Variants in PTPRN2 observed in about 807,000 individuals in gnomAD.
The protein encoded by PTPRN2 is receptor-type tyrosine-protein phosphatase N2.
A neutral mutation model predicts 118.8 loss-of-function variants in PTPRN2; 74 were observed. That is an observed-to-expected ratio of 0.62 (90% CI 0.52 to 0.76). The LOEUF (loss-of-function observed/expected upper bound fraction) is 0.76. PTPRN2 is among the 30% of genes least tolerant of loss of function. The pLI is 0.00. For missense variants in PTPRN2, 1,481 were observed against 1,394.4 expected (o/e 1.06, Z -0.99); for synonymous variants, 641 against 608.0 (o/e 1.05, Z -0.80).
At position 157,611,296 on chromosome 7, in the gene PTPRN2, A is replaced by G. The variant is rs1158918572; in HGVS notation, c.2345-7221T>C. On this transcript the variant is annotated intron_variant, in intron 15 of 22. Transcript: ENST00000389418. The surrounding 1 kb of genome is among the most constrained non-coding windows in gnomAD (Gnocchi z 5.9). ...GCAGGTGACCTGGGGCAGGTGGACT[A>G]GAAGGAGCCTCAAGCCCTGGGGGAT... Among the ~76,000 whole-genome samples, 1 of 152,140 alleles carries G rather than the reference A, an allele frequency of 6.6e-6. No individual in the cohort carries two copies. Among genetic ancestry groups the G allele is most frequent in the African/African-American group, 2.4e-5 (1 of 41,454 alleles).
chr7:158,536,305 A>G (rs1825639923), intron 1 of PTPRN2, among the ~76,000 whole-genome samples: 2 of 152,230 alleles, frequency 1.3e-5, no homozygotes, highest in African/African-American at 2.4e-5. Flanking sequence ...GGTTTCATAA[A>G]CTTGATGATG....
At chr7:158,088,281 AG>A (rs1813677607) in intron 10 of PTPRN2, among the ~76,000 whole-genome samples, 1 of 27,066 alleles carries the variant, frequency 3.7e-5, no homozygotes, top group African/African-American at 7.0e-5. Flanking sequence ...CTGATGAAAG[AG>A]GGAGTCTTCA....
intron 12 of PTPRN2, among the ~76,000 whole-genome samples, chr7:157,838,027 G>T (rs542078012): frequency 9.2e-5 from 14 of 151,808 alleles, no homozygotes. Context: ...TGGATGGCAC[G>T]GGAGAAAGCT....
intron 3 of PTPRN2, among the ~76,000 whole-genome samples, chr7:158,225,099 T>C (rs910562773): frequency 2.0e-5 from 3 of 151,848 alleles, no homozygotes; most frequent in Non-Finnish European, 4.4e-5. Flanking sequence ...TCAGAAAAAC[T>C]GTATCACTGT....
chr7:157,848,061 C>A (rs1009726001), intron 12 of PTPRN2, among the ~76,000 whole-genome samples: 4 of 149,052 alleles, frequency 2.7e-5, no homozygotes, highest in Non-Finnish European at 1.5e-5. Context: ...GTTTACAGAG[C>A]CCTCTCTCAC....
rs1259156757 is a variant in PTPRN2, at chr7:158,022,771, T to C, written c.1723+58527A>G. Among the ~76,000 whole-genome samples, 1 of 152,276 alleles carries C rather than the reference T, an allele frequency of 6.6e-6. No individual in the cohort carries two copies. Among genetic ancestry groups the C allele is most frequent in the African/African-American group, 2.4e-5 (1 of 41,486 alleles). On this transcript the variant is annotated intron_variant, in intron 11 of 22. Coordinates refer to ENST00000389418, the MANE Select transcript of PTPRN2 (RefSeq NM_002847.5). This position sits in a 1 kb window ranked among gnomAD's most constrained non-coding sequence, Gnocchi z 4.6. ...CTTTCCCCCACGGAGGCTTCCGCCATGAGTCTGGAATGCGTTCTGAGCACC... is the reference window on the plus strand; with the variant it reads ...CTTTCCCCCACGGAGGCTTCCGCCACGAGTCTGGAATGCGTTCTGAGCACC...
chr7:158,063,978 C>T (rs1193662187), intron 11 of PTPRN2, among the ~76,000 whole-genome samples: 1 of 152,212 alleles, frequency 6.6e-6, no homozygotes, highest in Non-Finnish European at 1.5e-5. Flanking sequence ...ACACTACATA[C>T]AATCACTCAC....
chr7:157,919,019 C>G (rs1377004137), intron 11 of PTPRN2, among the ~76,000 whole-genome samples: 1 of 152,110 alleles, frequency 6.6e-6, no homozygotes, highest in African/African-American at 2.4e-5. Flanking sequence ...AAGCAACTTA[C>G]CTAAAGTCAC....
rs879413219 is a variant in PTPRN2, at chr7:158,415,022, C to CCTGATGATACAACCAGCTACTTCT, written c.163+74689_163+74712dup. On this transcript the variant is annotated intron_variant, in intron 2 of 22. Coordinates refer to ENST00000389418, the MANE Select transcript of PTPRN2 (RefSeq NM_002847.5). ...TCCTGATGATACAACCAGCTACTTTCCTGATGATACAACCAGCTACTTCTC... is the reference window on the plus strand; with the variant it reads ...TCCTGATGATACAACCAGCTACTTTCCTGATGATACAACCAGCTACTTCTCTGATGATACAACCAGCTACTTCTC... 9.0e-3 allele frequency among the ~76,000 whole-genome samples: 306 copies of CCTGATGATACAACCAGCTACTTCT among 34,024 alleles called. 134 individuals are homozygous for CCTGATGATACAACCAGCTACTTCT. Among genetic ancestry groups the CCTGATGATACAACCAGCTACTTCT allele is most frequent in the African/African-American group, 0.032 (279 of 8,742 alleles). 22.3% of individuals were successfully genotyped at this position (34,024 alleles called of 152,430 possible). A position where few individuals can be genotyped will look rare whatever the true frequency, so the allele number is the denominator to read the frequency against.
intron 12 of PTPRN2, among the ~76,000 whole-genome samples, chr7:157,897,169 C>T (rs116031283): frequency 0.013 from 2,022 of 152,294 alleles, 50 homozygotes; most frequent in African/African-American, 0.047. Flanking sequence ...TAGCACCAAC[C>T]ACCACCCCAC....
At chr7:157,864,767 G>A (rs892046289) in intron 12 of PTPRN2, 1 of 152,264 alleles carries the variant, frequency 6.6e-6, no homozygotes, top group African/African-American at 2.4e-5. Context: ...CAGTATCTCA[G>A]GACAAAGTGC....
In PTPRN2 at chr7:158,133,795, G is replaced by A. The variant is rs1359849746; in HGVS notation, c.1438C>T (p.Pro480Ser). 6.2e-7 allele frequency: 1 copy of A among 1,613,980 alleles called. No homozygotes were observed. Residue 480 changes from proline (P) to serine (S), a missense_variant, in exon 9 of 23, where the codon CCC becomes TCC. Coordinates refer to ENST00000389418, the MANE Select transcript of PTPRN2 (RefSeq NM_002847.5). The part of the protein sequence containing the change: ...FGELQNQMPG[P>S]SKEEQSLPAG... ...GGAAGGCTCTGCTCCTCCTTCGAGG[G>A]CCCAGGCATCTGGTTTTGGAGCTCC...
chr7:157,905,169 T>G (rs1369890750), intron 11 of PTPRN2, among the ~76,000 whole-genome samples: 1 of 152,228 alleles, frequency 6.6e-6, no homozygotes, highest in African/African-American at 2.4e-5. Flanking sequence ...CTACTCCTTT[T>G]AAGTCTAAAG....
chr7:157,999,726 T>G (rs1464664099), intron 11 of PTPRN2, among the ~76,000 whole-genome samples: 1 of 152,074 alleles, frequency 6.6e-6, no homozygotes, highest in Non-Finnish European at 1.5e-5. Context: ...AACATCAAGG[T>G]GGGGGTGTGG....
intron 1 of PTPRN2, among the ~76,000 whole-genome samples, chr7:158,496,138 A>G (rs1214700998): frequency 6.6e-6 from 1 of 151,764 alleles, no homozygotes; most frequent in African/African-American, 2.4e-5. Flanking sequence ...TCCACATGAG[A>G]GGGACTGACT....
rs570798014 is a variant in PTPRN2, at chr7:157,944,728, G to C, written c.1724-45991C>G. Among the ~76,000 whole-genome samples the C allele has an allele frequency of 6.6e-6, 1 of 152,216 alleles. No individual in the cohort carries two copies. The highest frequency in any genetic ancestry group is 1.5e-5 in the Non-Finnish European group (1 of 68,044). Reference sequence around the variant, plus strand: ...AGTGACCACTGTCCAGCAGGTCCACGTGCATGGATGAGAGCTGTGCCCCTC... The same window carrying C: ...AGTGACCACTGTCCAGCAGGTCCACCTGCATGGATGAGAGCTGTGCCCCTC... On this transcript the variant is annotated intron_variant, in intron 11 of 22. Transcript: ENST00000389418. This position sits in a 1 kb window ranked among gnomAD's most constrained non-coding sequence, Gnocchi z 4.3.
At chr7:157,811,100 T>G (rs1806002476) in intron 12 of PTPRN2, among the ~76,000 whole-genome samples, 2 of 151,558 alleles carry the variant, frequency 1.3e-5, no homozygotes, top group African/African-American at 4.9e-5. Flanking sequence ...TGAAACCCCA[T>G]CTCTACTAAA....
At chr7:157,571,670 C>T (rs544732667) in intron 19 of PTPRN2, among the ~76,000 whole-genome samples, 177 bp from the exon 20 acceptor site, 1 of 152,354 alleles carries the variant, frequency 6.6e-6, no homozygotes, top group South Asian at 2.1e-4. Context: ...TTCTTCTCAA[C>T]ATGACGTTAT....
intron 3 of PTPRN2, among the ~76,000 whole-genome samples, chr7:158,286,723 C>A (rs972142481): frequency 1.3e-5 from 2 of 152,152 alleles, no homozygotes; most frequent in African/African-American, 4.8e-5. Flanking sequence ...GGTGAATGAT[C>A]CTTTTCATGA....
Sources: gnomAD v4.1 joint callset for allele counts (sites outside exome capture counted in the v4.1 genomes callset) on GRCh38, gnomAD v4.1.1 for gene constraint, Gnocchi (gnomAD v3.1) non-coding constraint, MANE v1.5 for transcripts, NCBI Gene and HGNC (gene_info 2026-07-23, HGNC 2026-07-21) for gene names.